Variants in LSMEM2 observed in about 807,000 individuals in gnomAD.
LSMEM2 encodes leucine rich single-pass membrane protein 2, also known as leucine-rich single-pass membrane protein 2.
Under a neutral mutation model 17.3 loss-of-function variants are expected in LSMEM2, and 20 were observed. That is an observed-to-expected ratio of 1.16 (90% CI 0.81 to 1.68). The LOEUF (loss-of-function observed/expected upper bound fraction) is 1.68, where lower values mean the gene tolerates loss of function less well. LSMEM2 is among the 40% of genes most tolerant of loss of function. The probability of loss-of-function intolerance (pLI) is 0.00; values close to 1 mark genes in which losing one functional copy is unlikely to be tolerated. For missense variants in LSMEM2, 207 were observed against 214.3 expected, an observed-to-expected ratio of 0.97 and a Z score of 0.21; for synonymous variants, 94 against 97.8, an observed-to-expected ratio of 0.96 and a Z score of 0.23.
chr3:50,286,893 G>C (rs781997764), intron 3 of LSMEM2, 31 bp downstream of exon 3: 4 of 1,609,498 alleles, frequency 2.5e-6, no homozygotes, highest in Admixed American at 3.3e-5. Context: ...AGTAGGAATG[G>C]AAAGCAAGGC....
rs781812003 is a variant in LSMEM2, at chr3:50,279,144, C to T, written c.31C>T (p.Leu11Phe). Reference protein sequence around the residue: MPSLAPDCPLLAMPEETQEDS... With the variant: MPSLAPDCPLFAMPEETQEDS... ...ATCATTGGCCCCCGACTGCCCACTG[C>T]TTGCCATGCCTGAGGAGACCCAAGA... Residue 11 changes from leucine (L) to phenylalanine (F), a missense_variant, in exon 1 of 4, where the codon CTT becomes TTT. Transcript: ENST00000316436. The T allele has an allele frequency of 3.7e-6, 6 of 1,614,072 alleles. No individual in the cohort carries two copies. In the African/African-American group the frequency reaches 6.7e-5, roughly 18 times the overall value.
chr3:50,284,113 C>T (rs749108944), intron 1 of LSMEM2, among the ~76,000 whole-genome samples: 46 of 142,736 alleles, frequency 3.2e-4, no homozygotes, highest in Non-Finnish European at 5.6e-4. Context: ...GGCTGAAGCA[C>T]GAGAATTGCT....
chr3:50,282,928 T>C (rs1182697384), intron 1 of LSMEM2, among the ~76,000 whole-genome samples: 1 of 152,080 alleles, frequency 6.6e-6, no homozygotes, highest in Admixed American at 6.5e-5. Context: ...GGCTCATGCC[T>C]GTAATCCCAG....
At position 50,285,310 on chromosome 3, in the gene LSMEM2, G is replaced by A. The variant is rs185257406; in HGVS notation, c.59-1161G>A. On this transcript the variant is annotated intron_variant, in intron 1 of 3. Coordinates refer to ENST00000316436, the MANE Select transcript of LSMEM2 (RefSeq NM_153215.3). ...CTTGCCATTGCACTCCAGCCTGGGC[G>A]ACAGAGGGAGACTCCATCTTAAAAA... is the stretch of plus-strand genomic sequence containing the variant. 6.3e-3 allele frequency among the ~76,000 whole-genome samples: 929 copies of A among 148,018 alleles called. 9 individuals carry two copies. Among genetic ancestry groups the A allele is most frequent in the African/African-American group, 0.022 (876 of 39,990 alleles).
At chr3:50,278,414 G>C (rs1553707338), upstream of LSMEM2, among the ~76,000 whole-genome samples, 1 of 152,226 alleles carries the variant, frequency 6.6e-6, no homozygotes, top group Non-Finnish European at 1.5e-5. Flanking sequence ...TCCAGATGTT[G>C]TTCTCAGTGT....
In LSMEM2 at chr3:50,281,165, C is replaced by T. The variant is rs587766545; in HGVS notation, c.58+1994C>T. On this transcript the variant is annotated intron_variant, in intron 1 of 3. Coordinates refer to ENST00000316436, the MANE Select transcript of LSMEM2 (RefSeq NM_153215.3). ...CTGCCTCCCGGGTTCATGCCATTCT[C>T]CTGCCTCAGCCTCCCGAGTAGCTGG... Among the ~76,000 whole-genome samples, 16 of 151,230 alleles carry T rather than the reference C, an allele frequency of 1.1e-4. No homozygotes were observed. The East Asian group carries it at 2.5e-3, about 24-fold the overall frequency.
At chr3:50,286,295 G>A in intron 1 of LSMEM2, 176 bp from the exon 2 acceptor site, 2 of 491,440 alleles carry the variant, frequency 4.1e-6, no homozygotes, top group South Asian at 1.8e-4. Context: ...AGCCTGTAAG[G>A]GTCTGGGATC....
At chr3:50,286,000 T>G (rs138706222) in intron 1 of LSMEM2, among the ~76,000 whole-genome samples, 1 of 152,192 alleles carries the variant, frequency 6.6e-6, no homozygotes, top group Non-Finnish European at 1.5e-5. Context: ...GGTTCACACA[T>G]GTACAGCAGA....
At chr3:50,281,552 A>C (rs1405628601) in intron 1 of LSMEM2, among the ~76,000 whole-genome samples, 1 of 150,580 alleles carries the variant, frequency 6.6e-6, no homozygotes, top group Non-Finnish European at 1.5e-5. Context: ...TTTGGTAGAG[A>C]CGGGGTTTCA....
upstream of LSMEM2, among the ~76,000 whole-genome samples, chr3:50,278,332 C>T (rs1337778080): frequency 6.6e-6 from 1 of 152,208 alleles, no homozygotes; most frequent in Non-Finnish European, 1.5e-5. Context: ...CCTTACACAA[C>T]CTTATGGGAC....
intron 1 of LSMEM2, among the ~76,000 whole-genome samples, chr3:50,284,549 G>A (rs1157367861): frequency 2.0e-5 from 3 of 151,952 alleles, no homozygotes; most frequent in African/African-American, 7.3e-5. Flanking sequence ...GGGCAACATA[G>A]TAAAACCCTG....
upstream of LSMEM2, chr3:50,279,007 C>A: frequency 8.6e-7 from 1 of 1,166,074 alleles, no homozygotes; most frequent in South Asian, 1.3e-5. Context: ...TAAATATAGC[C>A]CAGTGGGCTG....
upstream of LSMEM2, among the ~76,000 whole-genome samples, chr3:50,278,623 G>T (rs1701326483): frequency 1.3e-5 from 2 of 152,204 alleles, no homozygotes; most frequent in Non-Finnish European, 2.9e-5. Flanking sequence ...CATGGCATTG[G>T]GATTCAGTTG....
rs147348613 is a variant in LSMEM2, at chr3:50,286,838, G to A, written c.337G>A (p.Ala113Thr). ...ALLVLTCLVL[A>T]LLAVYLSVLQ... ...GCTGGTGCTCACTTGCCTAGTGCTC[G>A]CACTCCTGGCTGTCTACCTGAGCGG... The change falls in exon 3 of 4, where the codon GCA becomes ACA. Residue 113 changes from alanine (A) to threonine (T), a missense_variant. Physicochemically the swap from Ala to Thr is moderately conservative, Grantham distance 58. Coordinates refer to ENST00000316436, the MANE Select transcript of LSMEM2 (RefSeq NM_153215.3). 1.2e-4 allele frequency: 198 copies of A among 1,613,732 alleles called. No individual in the cohort carries two copies. The highest frequency in any genetic ancestry group is 5.1e-4 in the East Asian group (23 of 44,890).
At position 50,287,950 on chromosome 3, in the gene LSMEM2, G is replaced by A; in HGVS notation, c.*748G>A. ...CTAGTGCCTGCCCCACAGCCCTGAGGAAGGCACATATTTAGCCTGGCCTGA... is the reference window on the plus strand; with the variant it reads ...CTAGTGCCTGCCCCACAGCCCTGAGAAAGGCACATATTTAGCCTGGCCTGA... On this transcript the variant is annotated 3_prime_UTR_variant, in exon 4 of 4. Coordinates refer to ENST00000316436, the MANE Select transcript of LSMEM2 (RefSeq NM_153215.3). The A allele has an allele frequency of 3.8e-6, 2 of 532,636 alleles. No individual in the cohort carries two copies. Among genetic ancestry groups the A allele is most frequent in the Non-Finnish European group, 6.8e-6 (2 of 294,832 alleles). 33.0% of individuals were successfully genotyped at this position (532,636 alleles called of 1,614,324 possible).
At chr3:50,286,890 A>C (rs1559799765) in intron 3 of LSMEM2, 28 bp downstream of exon 3, 1 of 1,610,034 alleles carries the variant, frequency 6.2e-7, no homozygotes, top group South Asian at 1.1e-5. Context: ...GCTAGTAGGA[A>C]TGGAAAGCAA....
chr3:50,282,770 A>G (rs1176229040), intron 1 of LSMEM2, among the ~76,000 whole-genome samples: 1 of 152,152 alleles, frequency 6.6e-6, no homozygotes, highest in African/African-American at 2.4e-5. Context: ...CTGTAATCCC[A>G]GCTACTGGGG....
At chr3:50,282,612 C>T (rs782375230) in intron 1 of LSMEM2, among the ~76,000 whole-genome samples, 4 of 152,070 alleles carry the variant, frequency 2.6e-5, no homozygotes, top group African/African-American at 7.2e-5. Context: ...TGGCCAGGTA[C>T]GGTGGCTCAT....
At chr3:50,279,782 C>CG (rs1189714802) in intron 1 of LSMEM2, among the ~76,000 whole-genome samples, 3 of 152,242 alleles carry the variant, frequency 2.0e-5, no homozygotes, top group Admixed American at 2.0e-4. Context: ...AGGTCCAGTA[C>CG]TGGCCAGGAC....
Sources: allele counts gnomAD v4.1 joint callset (sites outside exome capture counted in the v4.1 genomes callset), GRCh38; gene constraint gnomAD v4.1.1; transcripts MANE v1.5; gene names NCBI Gene and HGNC (gene_info 2026-07-23, HGNC 2026-07-21).